Variants in PCGF5 observed in about 807,000 individuals in gnomAD.
The protein encoded by PCGF5 is polycomb group ring finger 5.
In PCGF5, 9 loss-of-function variants were observed where a neutral mutation model predicts 44.3. That is an observed-to-expected ratio of 0.20 (90% confidence interval 0.12 to 0.35). The LOEUF (loss-of-function observed/expected upper bound fraction) is 0.35. Ranked by LOEUF, PCGF5 falls within the 10% of genes least tolerant of loss-of-function variation. The pLI is 1.00. For synonymous variants in PCGF5, 95 were observed against 102.5 expected (o/e 0.93, Z 0.44); for missense variants, 146 against 305.3 (o/e 0.48, Z 3.89).
chr10:91,181,442 A>G (rs546028931), intron 1 of PCGF5, among the ~76,000 whole-genome samples: 8 of 152,194 alleles, frequency 5.3e-5, no homozygotes, highest in Non-Finnish European at 1.0e-4. Context: ...CCAGTTTTCA[A>G]GGGGAATGCT....
At chr10:91,164,513 C>G (rs1179399401) in intron 1 of PCGF5, among the ~76,000 whole-genome samples, 5 of 152,164 alleles carry the variant, frequency 3.3e-5, no homozygotes, top group African/African-American at 7.2e-5. Flanking sequence ...CTAGTAATTG[C>G]GTCTACCTAA....
chr10:91,247,544 T>A (rs1264979561), intron 3 of PCGF5, among the ~76,000 whole-genome samples: 2 of 150,194 alleles, frequency 1.3e-5, no homozygotes, highest in Non-Finnish European at 3.0e-5. Flanking sequence ...TTTGTAGTCT[T>A]GTAGAAGAGT....
chr10:91,203,811 T>C (rs1025943998), intron 1 of PCGF5, among the ~76,000 whole-genome samples: 1 of 152,158 alleles, frequency 6.6e-6, no homozygotes, highest in African/African-American at 2.4e-5. Context: ...ATATAGGAAA[T>C]TTGTCAACAA....
rs1009630622 is a variant in PCGF5 at position 91,281,831 on chromosome 10, T to C, written c.*3515T>C. Reference sequence around the variant, plus strand: ...CTTCCTTTCAAATATGTTCATTGTTTTTCAGCATCATCTAACAGATCTTAG... The same window carrying C: ...CTTCCTTTCAAATATGTTCATTGTTCTTCAGCATCATCTAACAGATCTTAG... On this transcript the variant is annotated 3_prime_UTR_variant, in exon 10 of 10. Coordinates refer to ENST00000336126, the MANE Select transcript of PCGF5 (RefSeq NM_032373.5). The C allele has an allele frequency of 4.6e-5, 7 of 152,224 alleles. No individual in the cohort carries two copies. The highest frequency in any genetic ancestry group is 1.9e-4 in the East Asian group (1 of 5,198). 9.4% of individuals were successfully genotyped at this position (152,224 alleles called of 1,614,324 possible). A position where few individuals can be genotyped will look rare whatever the true frequency, so the allele number is the denominator to read the frequency against.
At chr10:91,252,945 A>C (rs1251984201) in intron 6 of PCGF5, among the ~76,000 whole-genome samples, 1 of 151,868 alleles carries the variant, frequency 6.6e-6, no homozygotes, top group East Asian at 1.9e-4. Context: ...CCTTTTATCC[A>C]TTCACTTTTT....
chr10:91,162,178 G>A (rs1407744606), upstream of PCGF5, among the ~76,000 whole-genome samples: 1 of 151,904 alleles, frequency 6.6e-6, no homozygotes, highest in Non-Finnish European at 1.5e-5. Flanking sequence ...GGGAAGTGGA[G>A]GGGAGACTGA....
upstream of PCGF5, chr10:91,220,633 G>C (rs1289280686): frequency 6.6e-6 from 1 of 151,136 alleles, no homozygotes; most frequent in Non-Finnish European, 1.5e-5. Context: ...AGGCGGCACC[G>C]GACCTGGGCC....
chr10:91,223,407 TTAG>T, intron 2 of PCGF5, among the ~76,000 whole-genome samples: 1 of 152,268 alleles, frequency 6.6e-6, no homozygotes, highest in East Asian at 1.9e-4. Context: ...TAGGAACTTG[TTAG>T]AAATGCAGAT....
At position 91,251,413 on chromosome 10, in the gene PCGF5, T is replaced by C; in HGVS notation, c.447T>C (p.Asn149=). 4 of 1,611,354 alleles carry C rather than the reference T, an allele frequency of 2.5e-6. No individual in the cohort carries two copies. The highest frequency in any genetic ancestry group is 3.4e-6 in the Non-Finnish European group (4 of 1,178,174). Residue 149 remains asparagine (N), a synonymous_variant, in exon 6 of 10, where the codon AAT becomes AAC. Transcript: ENST00000336126. ...TCTGTCTAGATTGTTTACGAAATAA[T>C]GGGCAATCAGGGGACAATGTAGTAA... The part of the protein sequence containing the change: ...IAICLDCLRN[N]GQSGDNVVKG...
At chr10:91,175,579 G>C (rs969001755) in intron 1 of PCGF5, among the ~76,000 whole-genome samples, 1 of 152,090 alleles carries the variant, frequency 6.6e-6, no homozygotes, top group Non-Finnish European at 1.5e-5. Context: ...GCTTTTTGAT[G>C]CTTTGTTCTT....
intron 7 of PCGF5, among the ~76,000 whole-genome samples, chr10:91,263,692 G>A (rs1017157219): frequency 5.3e-5 from 8 of 152,174 alleles, no homozygotes; most frequent in African/African-American, 1.9e-4. Flanking sequence ...TAAAGATTTA[G>A]GGGTTGTTCG....
At chr10:91,277,667 T>A (rs1344345695) in intron 9 of PCGF5, among the ~76,000 whole-genome samples, 1 of 152,252 alleles carries the variant, frequency 6.6e-6, no homozygotes, top group Non-Finnish European at 1.5e-5. Context: ...TATCAACTGT[T>A]GAAAGGAGGT....
At chr10:91,265,734 G>C (rs1846035793) in intron 8 of PCGF5, among the ~76,000 whole-genome samples, 1 of 152,116 alleles carries the variant, frequency 6.6e-6, no homozygotes, top group Non-Finnish European at 1.5e-5. Context: ...GAAATGTCTT[G>C]ATATCATATA....
intron 1 of PCGF5, among the ~76,000 whole-genome samples, chr10:91,204,662 T>C (rs4297380): frequency 0.76 from 115,748 of 152,184 alleles, 47,269 homozygotes; most frequent in East Asian, 0.95. Context: ...AGGAGAGCTC[T>C]GAGGATAAAA....
chr10:91,191,013 G>T (rs928199373), intron 1 of PCGF5, among the ~76,000 whole-genome samples: 1 of 152,136 alleles, frequency 6.6e-6, no homozygotes, highest in Non-Finnish European at 1.5e-5. Flanking sequence ...TCCTTACGCT[G>T]ACAGTTACAG....
intron 1 of PCGF5, among the ~76,000 whole-genome samples, chr10:91,166,195 C>G (rs1397801963): frequency 6.6e-6 from 1 of 152,148 alleles, no homozygotes; most frequent in Non-Finnish European, 1.5e-5. Context: ...TTGGAAGTTC[C>G]TGAATTAGCC....
At chr10:91,218,636 T>TTTA (rs1204149858), upstream of PCGF5, among the ~76,000 whole-genome samples, 2 of 151,528 alleles carry the variant, frequency 1.3e-5, no homozygotes, top group African/African-American at 2.4e-5. Flanking sequence ...TTATTCTTAT[T>TTTA]TTATTATTAT....
chr10:91,174,357 A>AT, intron 1 of PCGF5, among the ~76,000 whole-genome samples: 1 of 152,106 alleles, frequency 6.6e-6, no homozygotes, highest in South Asian at 2.1e-4. Context: ...AAATACATAA[A>AT]TTAGACAGGT....
chr10:91,175,840 C>T (rs1356855130), intron 1 of PCGF5, among the ~76,000 whole-genome samples: 1 of 152,170 alleles, frequency 6.6e-6, no homozygotes, highest in Non-Finnish European at 1.5e-5. Context: ...ATACAGCACA[C>T]TGATGGGTCT....
Sources: allele counts gnomAD v4.1 joint callset (sites outside exome capture counted in the v4.1 genomes callset), GRCh38; gene constraint gnomAD v4.1.1; transcripts MANE v1.5; gene names NCBI Gene and HGNC (gene_info 2026-07-23, HGNC 2026-07-21).